Variants in NFATC1 observed in about 807,000 individuals in gnomAD.
NFATC1 encodes nuclear factor of activated T-cells, cytoplasmic 1.
A neutral mutation model predicts 76.0 loss-of-function variants in NFATC1; 22 were observed. That is an observed-to-expected ratio of 0.29 (90% CI 0.21 to 0.41). The LOEUF is 0.41. NFATC1 is among the 10% of genes least tolerant of loss of function. The pLI is 1.00. For missense variants in NFATC1, 1,357 were observed against 1,337.7 expected (o/e 1.01, Z -0.23); for synonymous variants, 704 against 613.1 (o/e 1.15, Z -2.19).
intron 9 of NFATC1, among the ~76,000 whole-genome samples, chr18:79,510,663 G>T (rs2090221879): frequency 6.6e-6 from 1 of 152,220 alleles, no homozygotes; most frequent in Non-Finnish European, 1.5e-5. Flanking sequence ...CAGTTGCCAG[G>T]CTCGGTTTCC....
At chr18:79,444,016 G>A (rs1490833903) in intron 3 of NFATC1, among the ~76,000 whole-genome samples, 1 of 152,228 alleles carries the variant, frequency 6.6e-6, no homozygotes, top group African/African-American at 2.4e-5. Context: ...GAGGGTTGAG[G>A]GAGTGTTGGC....
intron 6 of NFATC1, among the ~76,000 whole-genome samples, chr18:79,456,408 T>G (rs1488903745): frequency 1.3e-5 from 2 of 152,080 alleles, no homozygotes; most frequent in East Asian, 1.9e-4. Context: ...CACCTTCAGG[T>G]TCCTTCAAGG....
chr18:79,457,713 C>T (rs1358702694), intron 6 of NFATC1, among the ~76,000 whole-genome samples: 3 of 152,226 alleles, frequency 2.0e-5, no homozygotes, highest in Non-Finnish European at 4.4e-5. Context: ...CACCCCTGCT[C>T]TCCCTTCCCC....
chr18:79,524,400 C>T lies in NFATC1; in HGVS notation c.2783-3128C>T, dbSNP rs983609905. The stretch of plus-strand genomic sequence containing the variant: ...CTCTGCGGTTCGGTTGCTGTGCTGT[C>T]CTCTGCTGAGTGGTGTCAGGGTTGT... On this transcript the variant is annotated intron_variant, in intron 9 of 9. Transcript: ENST00000427363. The surrounding 1 kb of genome is among the most constrained non-coding windows in gnomAD (Gnocchi z 7.2). Among the ~76,000 whole-genome samples, 4 of 152,320 alleles carry T rather than the reference C, an allele frequency of 2.6e-5. No individual in the cohort carries two copies. Among genetic ancestry groups the T allele is most frequent in the African/African-American group, 9.6e-5 (4 of 41,564 alleles).
chr18:79,404,244 T>C (rs1366609008), intron 1 of NFATC1, among the ~76,000 whole-genome samples: 1 of 152,248 alleles, frequency 6.6e-6, no homozygotes, highest in Non-Finnish European at 1.5e-5. Context: ...TATTAAGGCG[T>C]TGGCGTGCTT....
intron 6 of NFATC1, among the ~76,000 whole-genome samples, chr18:79,459,058 C>G (rs1461695970): frequency 6.6e-6 from 1 of 152,264 alleles, no homozygotes; most frequent in African/African-American, 2.4e-5. Flanking sequence ...GAGGGAAGGC[C>G]ACAGGCGCTG....
At chr18:79,519,329 T>A (rs866878055) in intron 9 of NFATC1, among the ~76,000 whole-genome samples, 7 of 152,154 alleles carry the variant, frequency 4.6e-5, no homozygotes, top group Admixed American at 2.0e-4. Flanking sequence ...TATTTATTTT[T>A]TATTTTTTTA....
At chr18:79,474,778 G>A (rs1000475384) in intron 8 of NFATC1, among the ~76,000 whole-genome samples, 6 of 149,758 alleles carry the variant, frequency 4.0e-5, no homozygotes, top group Non-Finnish European at 5.9e-5. Context: ...CACTGTCGAC[G>A]TTGCGAGGGA....
chr18:79,460,247 A>G (rs1294443031), intron 6 of NFATC1, among the ~76,000 whole-genome samples: 6 of 152,224 alleles, frequency 3.9e-5, no homozygotes, highest in Non-Finnish European at 8.8e-5. Flanking sequence ...TCAGTAATTG[A>G]GGGTTTGTAA....
chr18:79,449,227 C>T (rs543011581), intron 4 of NFATC1, among the ~76,000 whole-genome samples: 1 of 152,346 alleles, frequency 6.6e-6, no homozygotes, highest in South Asian at 2.1e-4. Flanking sequence ...ATAAATACCT[C>T]CCTCTGCATT....
chr18:79,494,843 TGAACCTGGTG>T (rs1264902607), intron 9 of NFATC1, among the ~76,000 whole-genome samples: 1 of 125,238 alleles, frequency 8.0e-6, no homozygotes. Flanking sequence ...ACGCCCCCCA[TGAACCTGGTG>T]CGGCCGGGGG....
In NFATC1 at chr18:79,406,224, T is replaced by C. The variant is rs979061370; in HGVS notation, c.128-4179T>C. Among the ~76,000 whole-genome samples, 3 of 152,258 alleles carry C rather than the reference T, an allele frequency of 2.0e-5. No individual in the cohort carries two copies. The East Asian group carries it at 5.8e-4, about 29-fold the overall frequency. ...TTCTACCAGCAAATGGTAGTTCAGC[T>C]GTGGGATCAGCTGTCTTGGAAATAA... On this transcript the variant is annotated intron_variant, in intron 1 of 9. Coordinates refer to ENST00000427363, the MANE Select transcript of NFATC1 (RefSeq NM_001278669.2).
rs924079096 is a variant in NFATC1, at chr18:79,507,759, G to A, written c.2783-19769G>A. On this transcript the variant is annotated intron_variant, in intron 9 of 9. Transcript: ENST00000427363. The stretch of plus-strand genomic sequence containing the variant: ...TCAGTAAAGAAAAACCTTCTCCCTC[G>A]CCCTCTGAAATAGTAAACGTTAGTG... Among the ~76,000 whole-genome samples the A allele has an allele frequency of 7.9e-5, 12 of 152,246 alleles. No individual in the cohort carries two copies. In the South Asian group the frequency reaches 2.5e-3, roughly 31 times the overall value.
intron 1 of NFATC1, among the ~76,000 whole-genome samples, chr18:79,402,612 G>A (rs1267502935): frequency 6.6e-6 from 1 of 152,204 alleles, no homozygotes; most frequent in Non-Finnish European, 1.5e-5. Flanking sequence ...TGGGCTTTAG[G>A]AGTTGGGGCT....
chr18:79,449,019 G>T, intron 4 of NFATC1, 35 bp downstream of exon 4: 1 of 1,603,094 alleles, frequency 6.2e-7, no homozygotes, highest in Non-Finnish European at 8.5e-7. Context: ...TCTGGCAGGG[G>T]GCGGTAGGAG....
chr18:79,481,742 C>T (rs768014406), intron 8 of NFATC1, among the ~76,000 whole-genome samples: 17 of 152,348 alleles, frequency 1.1e-4, no homozygotes, highest in South Asian at 2.1e-4. Context: ...ACTGTTGTGA[C>T]GACTGAATGT....
rs889598124 is a variant in NFATC1 at position 79,465,803 on chromosome 18, C to T, written c.1960-1647C>T. On this transcript the variant is annotated intron_variant, in intron 7 of 9. Coordinates refer to ENST00000427363, the MANE Select transcript of NFATC1 (RefSeq NM_001278669.2). The surrounding 1 kb of genome is among the most constrained non-coding windows in gnomAD (Gnocchi z 4.2). ...GTCTCTTTATCCCCCGTACAAATGC[C>T]GAGACAGGCTCCGGGTGGCCAGAGC... Among the ~76,000 whole-genome samples the T allele has an allele frequency of 5.3e-5, 8 of 152,204 alleles. No individual in the cohort carries two copies. Among genetic ancestry groups the T allele is most frequent in the Non-Finnish European group, 8.8e-5 (6 of 68,038 alleles).
In NFATC1 at chr18:79,410,986, C is replaced by A. The variant is rs757764787; in HGVS notation, c.711C>A (p.Ser237=). The A allele has an allele frequency of 1.2e-5, 19 of 1,606,230 alleles. No homozygotes were observed. Among genetic ancestry groups the A allele is most frequent in the Non-Finnish European group, 1.7e-6 (2 of 1,176,726 alleles). ...CACTGCTGGGTTCCCCGCGGCACTC[C>A]CCCTCCACCTCGCCCCGCGCCAGCG... ...ACTLLGSPRH[S]PSTSPRASVT... Residue 237 remains serine, a synonymous_variant, in exon 2 of 10, where the codon TCC becomes TCA. Coordinates refer to ENST00000427363, the MANE Select transcript of NFATC1 (RefSeq NM_001278669.2). This position sits in a 1 kb window ranked among gnomAD's most constrained non-coding sequence, Gnocchi z 6.7.
At chr18:79,490,381 G>A (rs1406745474) in intron 9 of NFATC1, among the ~76,000 whole-genome samples, 2 of 150,420 alleles carry the variant, frequency 1.3e-5, no homozygotes, top group Admixed American at 6.6e-5. Context: ...CCAGGCTCTG[G>A]GTCAGGATGG....
Sources: gnomAD v4.1 joint callset for allele counts (sites outside exome capture counted in the v4.1 genomes callset) on GRCh38, gnomAD v4.1.1 for gene constraint, Gnocchi (gnomAD v3.1) non-coding constraint, MANE v1.5 for transcripts, NCBI Gene and HGNC (gene_info 2026-07-23, HGNC 2026-07-21) for gene names.